Variants in AMPH observed in about 807,000 individuals in gnomAD.
AMPH encodes amphiphysin.
A neutral mutation model predicts 99.1 loss-of-function variants in AMPH; 49 were observed. That is an observed-to-expected ratio of 0.49 (90% confidence interval 0.39 to 0.63). The LOEUF (loss-of-function observed/expected upper bound fraction) is 0.63, where lower values mean the gene tolerates loss of function less well. Among genes scored for constraint, AMPH ranks in the 20% least tolerant of loss-of-function variants. The pLI is 0.00. For missense variants in AMPH, 759 were observed against 863.4 expected (o/e 0.88, Z 1.52); for synonymous variants, 314 against 317.3 (o/e 0.99, Z 0.11).
intron 1 of AMPH, among the ~76,000 whole-genome samples, chr7:38,614,028 A>G (rs1793779295): frequency 6.6e-6 from 1 of 152,106 alleles, no homozygotes; most frequent in South Asian, 2.1e-4. Flanking sequence ...TCCACATCCA[A>G]AGACCGGGAA....
intron 1 of AMPH, among the ~76,000 whole-genome samples, chr7:38,548,820 G>A (rs1013946155): frequency 4.9e-4 from 75 of 152,326 alleles, no homozygotes; most frequent in African/African-American, 1.5e-3. Context: ...TAGGTGTGCC[G>A]TTTGCATAGT....
At chr7:38,608,266 C>T (rs1793503916) in intron 1 of AMPH, among the ~76,000 whole-genome samples, 1 of 152,202 alleles carries the variant, frequency 6.6e-6, no homozygotes, top group African/African-American at 2.4e-5. Flanking sequence ...GGTCAGCTTT[C>T]CCAGGTGCAG....
Position 38,384,865 on chromosome 7 carries a change from T to A in AMPH, c.2041A>T (p.Thr681Ser). The A allele has an allele frequency of 6.2e-7, 1 of 1,614,082 alleles. No homozygotes were observed. The highest frequency in any genetic ancestry group is 1.6e-4 in the Middle Eastern group (1 of 6,062). The change falls in exon 21 of 21, where the codon ACC becomes TCC. Residue 681 changes from threonine (T) to serine (S), a missense_variant. Transcript: ENST00000356264. ...TTCTCTGGAAAGAGGCCTTTGTAGG[T>A]GGCAAGGTCTCTGTACTGAAGCCAG... ...SDWLQYRDLATYKGLFPENFT... is the reference protein window; with the variant it reads ...SDWLQYRDLASYKGLFPENFT...
intron 1 of AMPH, among the ~76,000 whole-genome samples, chr7:38,557,426 TAGTG>T (rs1562825841): frequency 1.3e-5 from 2 of 152,164 alleles, no homozygotes; most frequent in African/African-American, 4.8e-5. Flanking sequence ...TTCTCATTGA[TAGTG>T]AGTGAGTTCT....
At chr7:38,586,868 CAG>C (rs1247757817) in intron 1 of AMPH, among the ~76,000 whole-genome samples, 1 of 152,182 alleles carries the variant, frequency 6.6e-6, no homozygotes, top group Non-Finnish European at 1.5e-5. Flanking sequence ...GATGAAGAAA[CAG>C]AGGTTTAGAG....
chr7:38,488,702 G>C (rs528891064), intron 5 of AMPH, among the ~76,000 whole-genome samples: 3 of 151,832 alleles, frequency 2.0e-5, no homozygotes, highest in Non-Finnish European at 4.4e-5. Context: ...CTATACACTG[G>C]TAACAACCTG....
In AMPH at chr7:38,466,214, C is replaced by A. The variant is rs200247377; in HGVS notation, c.625G>T (p.Val209Phe). Residue 209 changes from valine to phenylalanine, a missense_variant, in exon 8 of 21, where the codon GTC (valine) becomes TTC (phenylalanine). By Grantham distance (50) the Val-to-Phe change is conservative. Around this residue, in one of 2 missense-constraint regions of AMPH, gnomAD observed 205 missense variants for 287.9 expected, o/e 0.71. Coordinates refer to ENST00000356264, the MANE Select transcript of AMPH (RefSeq NM_001635.4). Reference protein sequence around the residue: ...VGFYVNTFKNVSSLEAKFHKE... With the variant: ...VGFYVNTFKNFSSLEAKFHKE... ...TGAAACTTGGCTTCAAGGCTGGAGA[C>A]GTTTTTGAAAGTATTAACATAAAAT... is the stretch of plus-strand genomic sequence containing the variant. 16 of 1,593,184 alleles carry A rather than the reference C, an allele frequency of 1.0e-5. No homozygotes were observed. The South Asian group carries it at 1.1e-4, about 11-fold the overall frequency.
At chr7:38,426,890 C>T in intron 15 of AMPH, 64 bp downstream of exon 15, 1 of 1,516,502 alleles carries the variant, frequency 6.6e-7, no homozygotes, top group East Asian at 2.3e-5. Flanking sequence ...GAGAACCAAA[C>T]CACATTGAAA....
chr7:38,428,935 G>T, intron 14 of AMPH: 3 of 1,104,574 alleles, frequency 2.7e-6, no homozygotes, highest in African/African-American at 1.6e-5. Context: ...AAGGTCTTAT[G>T]GTCTTCCTTT....
chr7:38,502,939 A>G (rs369728066), intron 3 of AMPH, among the ~76,000 whole-genome samples: 105 of 152,288 alleles, frequency 6.9e-4, no homozygotes, highest in African/African-American at 2.4e-3. Flanking sequence ...CCCTTGTCAG[A>G]TGATCCATTC....
chr7:38,421,218 A>G (rs573560246), intron 16 of AMPH, among the ~76,000 whole-genome samples: 2 of 152,380 alleles, frequency 1.3e-5, no homozygotes, highest in East Asian at 3.9e-4. Flanking sequence ...ACTGAATTCT[A>G]GACCTGAATC....
intron 7 of AMPH, among the ~76,000 whole-genome samples, chr7:38,472,917 C>G (rs1167624263): frequency 2.0e-5 from 3 of 152,174 alleles, no homozygotes; most frequent in Non-Finnish European, 2.9e-5. Flanking sequence ...CCAACAATTA[C>G]TTTACTTTGA....
rs377269577 is a variant in AMPH, at chr7:38,446,447, A to G, written c.1018-10059T>C. 6.6e-5 allele frequency among the ~76,000 whole-genome samples: 10 copies of G among 151,598 alleles called. No individual in the cohort carries two copies. The South Asian group carries it at 1.3e-3, about 20-fold the overall frequency. On this transcript the variant is annotated intron_variant, in intron 11 of 20. Coordinates refer to ENST00000356264, the MANE Select transcript of AMPH (RefSeq NM_001635.4). ...AGATAACTTGTGATATATCCATACA[A>G]TGGAATACTACTCAATAAGGAGGAA...
intron 14 of AMPH, 51 bp downstream of exon 14, chr7:38,429,791 A>C: frequency 1.3e-6 from 2 of 1,521,348 alleles, no homozygotes; most frequent in African/African-American, 2.8e-5. Flanking sequence ...CTATGTATGT[A>C]ATGCATATCA....
At chr7:38,503,787 C>T (rs1186459541) in intron 2 of AMPH, 83 bp from the exon 3 acceptor site, 1 of 1,380,194 alleles carries the variant, frequency 7.2e-7, no homozygotes, top group East Asian at 2.3e-5. Context: ...CTCAAAGTTA[C>T]TATTGCCAGA....
intron 1 of AMPH, among the ~76,000 whole-genome samples, chr7:38,630,523 T>C (rs949912615): frequency 6.6e-6 from 1 of 152,338 alleles, no homozygotes; most frequent in East Asian, 1.9e-4. Flanking sequence ...CTGGATTTTT[T>C]AAAATGCAAT....
At chr7:38,458,843 A>C (rs1163361098) in intron 11 of AMPH, among the ~76,000 whole-genome samples, 2 of 152,168 alleles carry the variant, frequency 1.3e-5, no homozygotes, top group Non-Finnish European at 2.9e-5. Flanking sequence ...CTCCCATTCA[A>C]TATAGCACTG....
chr7:38,475,008 T>G (rs1788030025), intron 7 of AMPH, among the ~76,000 whole-genome samples: 2 of 152,218 alleles, frequency 1.3e-5, no homozygotes, highest in Admixed American at 1.3e-4. Context: ...GATTTAGGTC[T>G]CCACTTGAGA....
At chr7:38,613,418 G>C (rs1252013921) in intron 1 of AMPH, among the ~76,000 whole-genome samples, 3 of 152,166 alleles carry the variant, frequency 2.0e-5, no homozygotes, top group Non-Finnish European at 4.4e-5. Flanking sequence ...TCTGTATTGA[G>C]GTGGCTGCCT....
Sources: gnomAD v4.1 joint callset for allele counts (sites outside exome capture counted in the v4.1 genomes callset) on GRCh38, gnomAD v4.1.1 for gene constraint, gnomAD v4.1.1 regional missense constraint, MANE v1.5 for transcripts, NCBI Gene and HGNC (gene_info 2026-07-23, HGNC 2026-07-21) for gene names.